HNF1B: variants seen among roughly 807,000 people sequenced by gnomAD.
HNF1B encodes the protein HNF1 homeobox B, also known as hepatocyte nuclear factor 1-beta.
Under a neutral mutation model 61.7 loss-of-function variants are expected in HNF1B, and 8 were observed. The observed-to-expected ratio is 0.13, with a 90% confidence interval of 0.08 to 0.23. The LOEUF (loss-of-function observed/expected upper bound fraction) is 0.23. HNF1B is among the 10% of genes least tolerant of loss of function. The pLI, the probability that HNF1B is intolerant of heterozygous loss-of-function variation, is 1.00. For synonymous variants in HNF1B, 314 were observed against 287.7 expected, an observed-to-expected ratio of 1.09 and a Z score of -0.93; for missense variants, 562 against 714.5, an observed-to-expected ratio of 0.79 and a Z score of 2.43.
chr17:37,699,444 C>G (rs1337554175), intron 7 of HNF1B, among the ~76,000 whole-genome samples: 9 of 152,228 alleles, frequency 5.9e-5, no homozygotes, highest in Admixed American at 4.6e-4. Context: ...CAGGGCCTAC[C>G]AGGGAGGCCT....
chr17:37,738,249 A>T (rs1000937694), intron 2 of HNF1B, among the ~76,000 whole-genome samples: 1 of 152,238 alleles, frequency 6.6e-6, no homozygotes, highest in Non-Finnish European at 1.5e-5. Context: ...AGCAGCAAAC[A>T]GCTCTCATGT....
chr17:37,726,928 G>A (rs1410224750), intron 4 of HNF1B, among the ~76,000 whole-genome samples: 1 of 152,116 alleles, frequency 6.6e-6, no homozygotes, highest in Non-Finnish European at 1.5e-5. Flanking sequence ...GACATCATGC[G>A]TGGGAGAGCG....
At chr17:37,718,632 G>C (rs565549550) in intron 4 of HNF1B, among the ~76,000 whole-genome samples, 2 of 152,202 alleles carry the variant, frequency 1.3e-5, no homozygotes, top group Non-Finnish European at 2.9e-5. Flanking sequence ...CAGATATGTA[G>C]AGCCTCCCCA....
intron 2 of HNF1B, among the ~76,000 whole-genome samples, chr17:37,735,879 C>A (rs978693899): frequency 6.6e-6 from 1 of 152,154 alleles, no homozygotes; most frequent in Non-Finnish European, 1.5e-5. Flanking sequence ...TCGCCTTAGC[C>A]TCCCAAGTAG....
At chr17:37,724,520 T>G (rs1164692914) in intron 4 of HNF1B, among the ~76,000 whole-genome samples, 1 of 152,214 alleles carries the variant, frequency 6.6e-6, no homozygotes, top group Non-Finnish European at 1.5e-5. Context: ...TGTTTTTGTA[T>G]GACCCACAAG....
chr17:37,727,036 G>A (rs1001213001), intron 4 of HNF1B, among the ~76,000 whole-genome samples: 3 of 152,078 alleles, frequency 2.0e-5, no homozygotes, highest in Non-Finnish European at 2.9e-5. Flanking sequence ...GAGCAAGGTC[G>A]CCACAGATCA....
chr17:37,710,652 T>C lies in HNF1B; in HGVS notation c.1057A>G (p.Ser353Gly), dbSNP rs753847783. ...GTGATCTCATTGTTTCCCTGCTGGC[T>C]GTAGCGCACTCCTGCAAAACAACAC... ...PPNKLSGVRY[S>G]QQGNNEITSS... Residue 353 changes from serine to glycine, a missense_variant, in exon 5 of 9, where the codon AGC becomes GGC. Transcript: ENST00000617811. The C allele has an allele frequency of 7.4e-6, 12 of 1,613,792 alleles. No individual in the cohort carries two copies. Among genetic ancestry groups the C allele is most frequent in the Admixed American group, 1.7e-5 (1 of 59,984 alleles).
At position 37,688,309 on chromosome 17, in the gene HNF1B, TC is replaced by T. The variant is rs1413296371; in HGVS notation, c.1654-918del. Among the ~76,000 whole-genome samples the T allele has an allele frequency of 2.6e-5, 4 of 151,642 alleles. No individual in the cohort carries two copies. In the East Asian group the frequency reaches 7.8e-4, roughly 30 times the overall value. The stretch of plus-strand genomic sequence containing the variant: ...TTTTTGTCTCCCTGTGTCTCCTCCT[TC>T]CCTTTTGCTTTTGCCGGCATCTAAG... On this transcript the variant is annotated intron_variant, in intron 8 of 8. Coordinates refer to ENST00000617811, the MANE Select transcript of HNF1B (RefSeq NM_000458.4).
chr17:37,707,427 T>C (rs1368658791), intron 5 of HNF1B, among the ~76,000 whole-genome samples: 4 of 152,192 alleles, frequency 2.6e-5, no homozygotes, highest in Non-Finnish European at 5.9e-5. Flanking sequence ...AACCATTACT[T>C]TCTATTTGGC....
intron 6 of HNF1B, among the ~76,000 whole-genome samples, chr17:37,704,000 G>C (rs2032657279): frequency 6.6e-6 from 1 of 152,202 alleles, no homozygotes; most frequent in Non-Finnish European, 1.5e-5. Flanking sequence ...AGCAATACAA[G>C]GTTGAAAGAA....
intron 8 of HNF1B, among the ~76,000 whole-genome samples, chr17:37,697,599 C>A (rs1459629492): frequency 6.6e-6 from 1 of 152,202 alleles, no homozygotes; most frequent in Admixed American, 6.5e-5. Flanking sequence ...ATTGATAAAC[C>A]TTTCAAAGGG....
chr17:37,744,105 A>G (rs2034088319), intron 1 of HNF1B, among the ~76,000 whole-genome samples: 1 of 152,258 alleles, frequency 6.6e-6, no homozygotes, highest in African/African-American at 2.4e-5. Context: ...CGAGGCCGAC[A>G]TGCGGCTTTC....
chr17:37,704,081 G>A lies in HNF1B; in HGVS notation c.1339+836C>T, dbSNP rs28667231. On this transcript the variant is annotated intron_variant, in intron 6 of 8. Transcript: ENST00000617811. Reference sequence around the variant, plus strand: ...AATACATCCAAGGGTCACAAGGATGGTTTTGAGAAACAACGACACCTGAGC... The same window carrying A: ...AATACATCCAAGGGTCACAAGGATGATTTTGAGAAACAACGACACCTGAGC... Among the ~76,000 whole-genome samples the A allele has an allele frequency of 1.4e-3, 214 of 152,294 alleles. 1 individual carries two copies. The highest frequency in any genetic ancestry group is 6.8e-3 in the Middle Eastern group (2 of 294).
At chr17:37,738,762 C>G (rs184582190) in intron 2 of HNF1B, among the ~76,000 whole-genome samples, 49 of 152,292 alleles carry the variant, frequency 3.2e-4, no homozygotes, top group Non-Finnish European at 6.3e-4. Flanking sequence ...ATGGGGATGA[C>G]AAGAATTGAT....
chr17:37,703,722 A>C (rs2032646888), intron 6 of HNF1B, among the ~76,000 whole-genome samples: 1 of 152,130 alleles, frequency 6.6e-6, no homozygotes, highest in Admixed American at 6.5e-5. Context: ...CCTTCTGCCA[A>C]AATCAATGCA....
chr17:37,711,579 T>A (rs1412516001), intron 4 of HNF1B, among the ~76,000 whole-genome samples: 3 of 152,138 alleles, frequency 2.0e-5, no homozygotes, highest in African/African-American at 7.2e-5. Flanking sequence ...AACGCCTGGG[T>A]CCAGTTTGCA....
At chr17:37,700,866 G>T in intron 7 of HNF1B, 117 bp downstream of exon 7, 2 of 905,144 alleles carry the variant, frequency 2.2e-6, no homozygotes, top group Non-Finnish European at 3.5e-6. Flanking sequence ...GTTGATCATA[G>T]GCAGGGAAAA....
chr17:37,692,864 C>T (rs905181048), intron 8 of HNF1B, among the ~76,000 whole-genome samples: 1 of 152,102 alleles, frequency 6.6e-6, no homozygotes, highest in African/African-American at 2.4e-5. Flanking sequence ...CCTCCTTTGA[C>T]TGCATGTAGA....
intron 6 of HNF1B, among the ~76,000 whole-genome samples, chr17:37,701,608 T>A (rs978221349): frequency 6.6e-6 from 1 of 152,140 alleles, no homozygotes; most frequent in African/African-American, 2.4e-5. Flanking sequence ...GTCTGTCCAG[T>A]AGAGGGCAGG....
Sources: gnomAD v4.1 joint callset for allele counts (sites outside exome capture counted in the v4.1 genomes callset) on GRCh38, gnomAD v4.1.1 for gene constraint, MANE v1.5 for transcripts, NCBI Gene and HGNC (gene_info 2026-07-23, HGNC 2026-07-21) for gene names.